TTLL5: variants seen among roughly 807,000 people sequenced by gnomAD.
The protein encoded by TTLL5 is tubulin tyrosine ligase like 5.
Under a neutral mutation model 168.4 loss-of-function variants are expected in TTLL5, and 132 were observed. The ratio of observed to expected loss-of-function variants is 0.78; its 90% CI spans 0.68 to 0.91. The LOEUF (loss-of-function observed/expected upper bound fraction) is 0.91, where lower values mean the gene tolerates loss of function less well. Among genes scored for constraint, TTLL5 ranks in the 40% least tolerant of loss-of-function variants. The pLI is 0.00. For missense variants in TTLL5, 1,545 were observed against 1,581.5 expected, an observed-to-expected ratio of 0.98 and a Z score of 0.39; for synonymous variants, 546 against 558.6, an observed-to-expected ratio of 0.98 and a Z score of 0.32.
chr14:75,678,446 T>C (rs1022817315), intron 3 of TTLL5, among the ~76,000 whole-genome samples: 2 of 152,246 alleles, frequency 1.3e-5, no homozygotes, highest in African/African-American at 4.8e-5. Context: ...ATCTAATCTA[T>C]GCAGATTTCC....
intron 28 of TTLL5, among the ~76,000 whole-genome samples, chr14:75,852,221 C>T (rs1049175120): frequency 2.6e-5 from 4 of 152,184 alleles, no homozygotes; most frequent in South Asian, 2.1e-4. Flanking sequence ...TGTGCAGACC[C>T]GTGGTGTGGA....
chr14:75,749,910 T>G (rs1212342063), intron 17 of TTLL5, among the ~76,000 whole-genome samples: 1 of 152,146 alleles, frequency 6.6e-6, no homozygotes, highest in Non-Finnish European at 1.5e-5. Context: ...TTATGGAAAA[T>G]TATTTACACA....
intron 26 of TTLL5, among the ~76,000 whole-genome samples, chr14:75,786,864 G>A (rs1034565476): frequency 6.6e-6 from 1 of 152,164 alleles, no homozygotes; most frequent in Non-Finnish European, 1.5e-5. Context: ...CGGGCACAGC[G>A]TCTTATGCCT....
At chr14:75,891,391 C>T (rs2032394778) in intron 30 of TTLL5, among the ~76,000 whole-genome samples, 1 of 152,120 alleles carries the variant, frequency 6.6e-6, no homozygotes, top group South Asian at 2.1e-4. Context: ...TTCTATAGCT[C>T]TCTCAAAGAC....
Position 75,820,204 on chromosome 14 carries a change from A to G in TTLL5, c.3326+43A>G, listed in dbSNP as rs1448264211. On this transcript the variant is annotated intron_variant, in intron 28 of 31. Coordinates refer to ENST00000298832, the MANE Select transcript of TTLL5 (RefSeq NM_015072.5). ...CAACTAGCATTTGGGTTACTCAGGGATGGCCTGTGTCCCAAGCAAGCCATT... is the reference window on the plus strand; with the variant it reads ...CAACTAGCATTTGGGTTACTCAGGGGTGGCCTGTGTCCCAAGCAAGCCATT... 7.2e-6 allele frequency: 11 copies of G among 1,524,076 alleles called. No homozygotes were observed. The Admixed American group carries it at 2.3e-4, about 33-fold the overall frequency. 94.4% of individuals were successfully genotyped at this position (1,524,076 alleles called of 1,614,324 possible).
At chr14:75,894,043 C>T in intron 30 of TTLL5, among the ~76,000 whole-genome samples, 1 of 151,932 alleles carries the variant, frequency 6.6e-6, no homozygotes, top group Non-Finnish European at 1.5e-5. Context: ...AAGATGAAAA[C>T]CATTTAGAGA....
intron 31 of TTLL5, among the ~76,000 whole-genome samples, chr14:75,921,851 A>G (rs771741985): frequency 2.6e-5 from 4 of 152,190 alleles, no homozygotes; most frequent in Non-Finnish European, 5.9e-5. Context: ...GATTCTTCCT[A>G]TCCATGAGCA....
intron 18 of TTLL5, among the ~76,000 whole-genome samples, chr14:75,759,110 C>T (rs1374809643): frequency 6.6e-6 from 1 of 152,008 alleles, no homozygotes; most frequent in Non-Finnish European, 1.5e-5. Context: ...CTTAGGTAGA[C>T]TGATCTAGAA....
intron 28 of TTLL5, among the ~76,000 whole-genome samples, chr14:75,851,307 A>G (rs1017836626): frequency 5.3e-5 from 8 of 152,142 alleles, no homozygotes; most frequent in Admixed American, 6.5e-5. Flanking sequence ...TGGTTGTTGG[A>G]TCACGGATGA....
At chr14:75,931,968 G>A (rs1375205266) in intron 31 of TTLL5, among the ~76,000 whole-genome samples, 2 of 152,110 alleles carry the variant, frequency 1.3e-5, no homozygotes, top group African/African-American at 2.4e-5. Flanking sequence ...ATTCACCTCT[G>A]TATCACCAGT....
At chr14:75,954,311 G>C in intron 31 of TTLL5, 113 bp from the exon 32 acceptor site, 1 of 1,078,284 alleles carries the variant, frequency 9.3e-7, no homozygotes, top group Non-Finnish European at 1.4e-6. Context: ...CATTTATTTG[G>C]GCCACCACTT....
intron 31 of TTLL5, among the ~76,000 whole-genome samples, chr14:75,926,015 G>A (rs2034044932): frequency 6.6e-6 from 1 of 151,718 alleles, no homozygotes; most frequent in African/African-American, 2.4e-5. Context: ...GTCCAGCTTC[G>A]CCTTGGCATC....
At chr14:75,935,819 G>A (rs1287962746) in intron 31 of TTLL5, among the ~76,000 whole-genome samples, 1 of 152,224 alleles carries the variant, frequency 6.6e-6, no homozygotes, top group Admixed American at 6.5e-5. Flanking sequence ...GTAATAGGCA[G>A]CTGCCTGCCT....
intron 28 of TTLL5, among the ~76,000 whole-genome samples, chr14:75,827,869 C>T (rs1377595506): frequency 1.3e-5 from 2 of 151,736 alleles, no homozygotes; most frequent in African/African-American, 4.8e-5. Context: ...ATGTGTGCAC[C>T]ACCATGCCTG....
At chr14:75,746,558 T>TTTTC (rs1491472184) in intron 17 of TTLL5, among the ~76,000 whole-genome samples, 2 of 2,178 alleles carry the variant, frequency 9.2e-4, no homozygotes, top group Non-Finnish European at 6.9e-4. Flanking sequence ...TTTTCTTTTC[T>TTTTC]TTTTTTTTTT....
intron 18 of TTLL5, among the ~76,000 whole-genome samples, chr14:75,759,876 A>G (rs1233019324): frequency 6.6e-6 from 1 of 152,120 alleles, no homozygotes; most frequent in Non-Finnish European, 1.5e-5. Flanking sequence ...TTCATTGATA[A>G]AGGCCTTATA....
chr14:75,707,743 G>A, intron 9 of TTLL5, 36 bp downstream of exon 9: 1 of 1,196,858 alleles, frequency 8.4e-7, no homozygotes, highest in Non-Finnish European at 1.2e-6. Flanking sequence ...GGTTGGGTGG[G>A]TATATTAAGG....
At chr14:75,902,558 T>C (rs776957761) in intron 31 of TTLL5, 86 of 484,812 alleles carry the variant, frequency 1.8e-4, no homozygotes, top group Admixed American at 3.9e-4. Flanking sequence ...TCTCACTTAA[T>C]TCTCACACAG....
chr14:75,757,691 T>G, intron 18 of TTLL5: 1 of 568,188 alleles, frequency 1.8e-6, no homozygotes, highest in Non-Finnish European at 2.8e-6. Context: ...TCTGTCTGCT[T>G]TTCTGCAAAG....
Sources: gnomAD v4.1 joint callset for allele counts (sites outside exome capture counted in the v4.1 genomes callset) on GRCh38, gnomAD v4.1.1 for gene constraint, MANE v1.5 for transcripts, NCBI Gene and HGNC (gene_info 2026-07-23, HGNC 2026-07-21) for gene names.